Variants in NCKAP5 observed in about 807,000 individuals in gnomAD.
NCKAP5 encodes the protein NCK associated protein 5.
A neutral mutation model predicts 167.0 loss-of-function variants in NCKAP5; 92 were observed. The observed-to-expected ratio is 0.55, with a 90% CI of 0.47 to 0.66. The LOEUF (loss-of-function observed/expected upper bound fraction) is 0.66. NCKAP5 is among the 30% of genes least tolerant of loss of function. NCKAP5 has a pLI of 0.00. For missense variants in NCKAP5, 2,378 were observed against 2,315.0 expected (o/e 1.03, Z -0.56); for synonymous variants, 891 against 877.4 (o/e 1.02, Z -0.27).
intron 5 of NCKAP5, among the ~76,000 whole-genome samples, chr2:133,183,272 G>C (rs1393899406): frequency 1.3e-5 from 2 of 151,984 alleles, no homozygotes; most frequent in African/African-American, 4.8e-5. Flanking sequence ...TATAAAATTA[G>C]TATTACCCTG....
chr2:132,913,633 T>C (rs1300924401), intron 8 of NCKAP5, among the ~76,000 whole-genome samples: 1 of 152,090 alleles, frequency 6.6e-6, no homozygotes, highest in East Asian at 1.9e-4. Context: ...CTTTGGGAGG[T>C]GGACGCTGAT....
intron 19 of NCKAP5, among the ~76,000 whole-genome samples, chr2:132,704,638 CTA>C (rs1410002242): frequency 6.6e-6 from 1 of 152,230 alleles, no homozygotes; most frequent in African/African-American, 2.4e-5. Flanking sequence ...TCCATTGAGT[CTA>C]CCAATGTTTT....
chr2:132,994,298 C>T (rs532297645), intron 6 of NCKAP5, 59 bp from the exon 7 acceptor site: 1 of 1,251,146 alleles, frequency 8.0e-7, no homozygotes, highest in East Asian at 2.5e-5. Context: ...CACGGATCCA[C>T]TCGAGTTGTA....
chr2:132,860,990 G>T (rs1447546), intron 10 of NCKAP5, among the ~76,000 whole-genome samples: 40,841 of 151,812 alleles, frequency 0.27, 5,830 homozygotes, highest in East Asian at 0.45. Context: ...GTTTCTGCAG[G>T]GAATAGAGAT....
At chr2:133,400,680 T>A (rs1688040583) in intron 3 of NCKAP5, among the ~76,000 whole-genome samples, 1 of 152,154 alleles carries the variant, frequency 6.6e-6, no homozygotes, top group Non-Finnish European at 1.5e-5. Context: ...AAAATTTCTG[T>A]GGTCTTAAAC....
At chr2:133,000,798 C>G (rs1281701096) in intron 6 of NCKAP5, among the ~76,000 whole-genome samples, 1 of 152,122 alleles carries the variant, frequency 6.6e-6, no homozygotes, top group African/African-American at 2.4e-5. Flanking sequence ...TATATACCAG[C>G]AATCAAAAGG....
chr2:132,748,556 A>T (rs916394497), intron 16 of NCKAP5, among the ~76,000 whole-genome samples: 8 of 152,210 alleles, frequency 5.3e-5, no homozygotes, highest in African/African-American at 4.8e-5. Flanking sequence ...ACATGAGCAC[A>T]TATGCAGAAG....
chr2:133,372,203 T>C (rs938530165), intron 3 of NCKAP5, among the ~76,000 whole-genome samples: 2 of 152,154 alleles, frequency 1.3e-5, no homozygotes, highest in East Asian at 1.9e-4. Flanking sequence ...TCAACTGTTA[T>C]GGGCAAAGAC....
At chr2:133,327,536 T>A (rs1682537598) in intron 3 of NCKAP5, among the ~76,000 whole-genome samples, 1 of 152,142 alleles carries the variant, frequency 6.6e-6, no homozygotes, top group South Asian at 2.1e-4. Context: ...CTGGTTGGTC[T>A]GAGTACATAA....
Position 133,359,032 on chromosome 2 carries a change from ATTTCT to A in NCKAP5, c.70-55927_70-55923del, listed in dbSNP as rs1324832158. 4.6e-5 allele frequency among the ~76,000 whole-genome samples: 7 copies of A among 152,348 alleles called. No individual in the cohort carries two copies. In the East Asian group the frequency reaches 1.2e-3, roughly 25 times the overall value. ...TACATTCATAAAAAATTATAAAATC[ATTTCT>A]TTATTTCAATTTTCAAGGCCAACGT... On this transcript the variant is annotated intron_variant, in intron 3 of 19. Coordinates refer to ENST00000409261, the MANE Select transcript of NCKAP5 (RefSeq NM_207363.3).
chr2:133,093,780 C>G (rs1488927225), intron 6 of NCKAP5, among the ~76,000 whole-genome samples: 3 of 152,168 alleles, frequency 2.0e-5, no homozygotes, highest in Non-Finnish European at 2.9e-5. Flanking sequence ...GAGAAGGGAT[C>G]AATGAGCATG....
chr2:133,104,448 A>C (rs924813786), intron 6 of NCKAP5, among the ~76,000 whole-genome samples: 1 of 152,218 alleles, frequency 6.6e-6, no homozygotes, highest in African/African-American at 2.4e-5. Flanking sequence ...CAAATTCCTT[A>C]ATGAAGCCAG....
intron 4 of NCKAP5, among the ~76,000 whole-genome samples, chr2:133,274,843 A>C (rs1388853234): frequency 6.6e-6 from 1 of 152,020 alleles, no homozygotes; most frequent in Non-Finnish European, 1.5e-5. Context: ...CAGATTAAAA[A>C]CTAAACATAA....
In NCKAP5 at chr2:133,259,111, C is replaced by T. The variant is rs151114613; in HGVS notation, c.143+43926G>A. 2.8e-3 allele frequency among the ~76,000 whole-genome samples: 425 copies of T among 152,244 alleles called. 3 individuals are homozygous for T. Among genetic ancestry groups the T allele is most frequent in the African/African-American group, 9.5e-3 (394 of 41,560 alleles). On this transcript the variant is annotated intron_variant, in intron 4 of 19. Coordinates refer to ENST00000409261, the MANE Select transcript of NCKAP5 (RefSeq NM_207363.3). ...TCCCTGCCTGAGCTCAAGCCCTCTG[C>T]GGGGTAGAGTGCTCTCCCTCCTCAT... is the stretch of plus-strand genomic sequence containing the variant.
chr2:133,410,403 G>A lies in NCKAP5; in HGVS notation c.69+107055C>T, dbSNP rs551742620. ...ATCCCTACACATCCCAGTTTAAGAA[G>A]CACAGGCTTCACTTCTCTGAGGTTT... On this transcript the variant is annotated intron_variant, in intron 3 of 19. Transcript: ENST00000409261. Among the ~76,000 whole-genome samples the A allele has an allele frequency of 2.4e-3, 366 of 152,308 alleles. 2 individuals are homozygous for A. Among genetic ancestry groups the A allele is most frequent in the African/African-American group, 8.2e-3 (341 of 41,562 alleles).
chr2:133,509,038 A>G (rs1683263089), intron 3 of NCKAP5, among the ~76,000 whole-genome samples: 2 of 152,188 alleles, frequency 1.3e-5, no homozygotes, highest in Non-Finnish European at 2.9e-5. Context: ...GCAGCTGAAT[A>G]CAGCTGAATG....
chr2:132,884,988 G>A (rs945750676), intron 8 of NCKAP5, among the ~76,000 whole-genome samples: 2 of 152,146 alleles, frequency 1.3e-5, no homozygotes, highest in Non-Finnish European at 2.9e-5. Context: ...CCTAAAGGGT[G>A]CTGGTGAAAG....
intron 3 of NCKAP5, among the ~76,000 whole-genome samples, chr2:133,504,254 TATAA>T (rs1461786726): frequency 6.7e-6 from 1 of 149,896 alleles, no homozygotes; most frequent in African/African-American, 2.5e-5. Context: ...GTATCTGTTG[TATAA>T]ATCTGGGTTT....
chr2:133,183,307 TA>T (rs1369453912), intron 5 of NCKAP5, among the ~76,000 whole-genome samples: 6 of 151,488 alleles, frequency 4.0e-5, no homozygotes, highest in Non-Finnish European at 7.4e-5. Context: ...TAAAGGCAAA[TA>T]AAAAAACTAC....
Sources: allele counts gnomAD v4.1 joint callset (sites outside exome capture counted in the v4.1 genomes callset), GRCh38; gene constraint gnomAD v4.1.1; transcripts MANE v1.5; gene names NCBI Gene and HGNC (gene_info 2026-07-23, HGNC 2026-07-21).